CST9: variants seen among roughly 807,000 people sequenced by gnomAD.
CST9 encodes cystatin-9.
Under a neutral mutation model 7.7 loss-of-function variants are expected in CST9, and 11 were observed. That is an observed-to-expected ratio of 1.44 (90% CI 0.90 to 2.38). The LOEUF (loss-of-function observed/expected upper bound fraction) is 2.38, where lower values mean the gene tolerates loss of function less well. Ranked by LOEUF, CST9 falls within the 30% of genes most tolerant of loss-of-function variation. The pLI is 0.00. For missense variants in CST9, 214 were observed against 199.1 expected, an observed-to-expected ratio of 1.07 and a Z score of -0.45; for synonymous variants, 71 against 74.3, an observed-to-expected ratio of 0.96 and a Z score of 0.23.
rs1978692228 is a variant in CST9, at chr20:23,603,955, G to A, written c.256-221C>T. Among the ~76,000 whole-genome samples, 3 of 152,126 alleles carry A rather than the reference G, an allele frequency of 2.0e-5. No individual in the cohort carries two copies. The South Asian group carries it at 6.2e-4, about 32-fold the overall frequency. On this transcript the variant is annotated intron_variant, in intron 1 of 1. Coordinates refer to ENST00000376971, the MANE Select transcript of CST9 (RefSeq NM_001008693.3). ...AGGTGGGCATGGTGGGTCTGGGGAG[G>A]ATGCAGGCTGAGTCAGACCCCACTA...
rs182175319 is a variant in CST9, at chr20:23,605,895, C to A, written c.-31G>T. On this transcript the variant is annotated 5_prime_UTR_variant, in exon 1 of 2. Coordinates refer to ENST00000376971, the MANE Select transcript of CST9 (RefSeq NM_001008693.3). ...AGGCTCCAGCAGCCCTTGCCTTTGC[C>A]CTTCAGATCCCTGGCGTCCACTGGA... 1.9e-6 allele frequency: 3 copies of A among 1,610,792 alleles called. No individual in the cohort carries two copies. The Admixed American group carries it at 5.0e-5, about 27-fold the overall frequency.
chr20:23,603,587 T>C lies in CST9; in HGVS notation c.403A>G (p.Ser135Gly), dbSNP rs922135740. The C allele has an allele frequency of 1.2e-6, 2 of 1,614,078 alleles. No individual in the cohort carries two copies. Among genetic ancestry groups the C allele is most frequent in the Admixed American group, 1.7e-5 (1 of 60,010 alleles). ...RQGISFPQVH[S>G]CGCCMGCGVG... ...CCACACCCCATGCAGCATCCACAGCTGTGGACCTGAGGAAAGCTGATGCCC... is the reference window on the plus strand; with the variant it reads ...CCACACCCCATGCAGCATCCACAGCCGTGGACCTGAGGAAAGCTGATGCCC... The change falls in exon 2 of 2, where the codon AGC becomes GGC. Residue 135 changes from serine (S) to glycine (G), a missense_variant. Transcript: ENST00000376971.
Position 23,605,800 on chromosome 20 carries a change from T to C in CST9, c.65A>G (p.Gln22Arg), listed in dbSNP as rs1376686032. ...WALSLLLMGF[Q>R]LLVTYAWCSE... is the part of the protein sequence containing the mutation. ...ACACCAGGCATAAGTCACCAGGAGC[T>C]GGAAGCCCATGAGAAGCAGTGACAG... Residue 22 changes from glutamine (Q) to arginine (R), a missense_variant, in exon 1 of 2, where the codon CAG (glutamine) becomes CGG (arginine). Gln to Arg is a conservative substitution (Grantham distance 43, BLOSUM62 1). Transcript: ENST00000376971. The C allele has an allele frequency of 3.7e-6, 6 of 1,614,106 alleles. No individual in the cohort carries two copies. The Admixed American group carries it at 1.0e-4, about 27-fold the overall frequency.
chr20:23,605,772 A>T lies in CST9; in HGVS notation c.93T>A (p.Ser31=), dbSNP rs190244029. 1 of 1,614,254 alleles carries T rather than the reference A, an allele frequency of 6.2e-7. No individual in the cohort carries two copies. Among genetic ancestry groups the T allele is most frequent in the Non-Finnish European group, 8.5e-7 (1 of 1,180,040 alleles). Residue 31 remains serine, a synonymous_variant, in exon 1 of 2, where the codon TCT becomes TCA. Coordinates refer to ENST00000376971, the MANE Select transcript of CST9 (RefSeq NM_001008693.3). ...TATTATTACCACCCATTTCCTCTTCAGAACACCAGGCATAAGTCACCAGGA... is the reference window on the plus strand; with the variant it reads ...TATTATTACCACCCATTTCCTCTTCTGAACACCAGGCATAAGTCACCAGGA... ...FQLLVTYAWC[S]EEEMGGNNKI...
Position 23,605,609 on chromosome 20 carries a change from C to A in CST9, c.255+1G>T, listed in dbSNP as rs781102449. Reference sequence around the variant, plus strand: ...GGCCAGAAGAGGATGTGGTCACCAACCTTTCTGTCCATGCTATCCTCCCTC... The same window carrying A: ...GGCCAGAAGAGGATGTGGTCACCAAACTTTCTGTCCATGCTATCCTCCCTC... On this transcript the variant is annotated splice_donor_variant, in intron 1 of 1. Transcript: ENST00000376971. LOFTEE classifies it high-confidence loss of function. 4.3e-6 allele frequency: 7 copies of A among 1,613,604 alleles called. No individual in the cohort carries two copies. Among genetic ancestry groups the A allele is most frequent in the Non-Finnish European group, 5.9e-6 (7 of 1,179,694 alleles).
Position 23,605,503 on chromosome 20 carries a change from G to A in CST9, c.255+107C>T, listed in dbSNP as rs1357074452. Reference sequence around the variant, plus strand: ...TACCGTAATTGGTTGTGGACTACCTGACTATGGACTGCTGATGGTGAACCA... The same window carrying A: ...TACCGTAATTGGTTGTGGACTACCTAACTATGGACTGCTGATGGTGAACCA... On this transcript the variant is annotated intron_variant, in intron 1 of 1. Coordinates refer to ENST00000376971, the MANE Select transcript of CST9 (RefSeq NM_001008693.3). The A allele has an allele frequency of 5.4e-6, 7 of 1,294,690 alleles. No homozygotes were observed. The African/African-American group carries it at 1.0e-4, about 19-fold the overall frequency. The allele number at this position is 1,294,690 out of a possible 1,614,324, so 80.2% of individuals were successfully genotyped here.
In CST9 at chr20:23,605,543, G is replaced by A. The variant is rs927838931; in HGVS notation, c.255+67C>T. 12 of 1,553,838 alleles carry A rather than the reference G, an allele frequency of 7.7e-6. No individual in the cohort carries two copies. In the African/African-American group the frequency reaches 1.6e-4, roughly 21 times the overall value. On this transcript the variant is annotated intron_variant, in intron 1 of 1. Coordinates refer to ENST00000376971, the MANE Select transcript of CST9 (RefSeq NM_001008693.3). ...ATGGTGAACCAAGTCTCCTAGACTA[G>A]ACATCTTGGTCCCTCACTTAGGGGC...
In CST9 at chr20:23,605,873, C is replaced by T. The variant is rs1420296993; in HGVS notation, c.-9G>A. 2.5e-6 allele frequency: 4 copies of T among 1,613,610 alleles called. No individual in the cohort carries two copies. The South Asian group carries it at 4.4e-5, about 18-fold the overall frequency. On this transcript the variant is annotated 5_prime_UTR_variant, in exon 1 of 2. Coordinates refer to ENST00000376971, the MANE Select transcript of CST9 (RefSeq NM_001008693.3). Reference sequence around the variant, plus strand: ...CTCTGCGGACTCGACATGATGCAGGCTCCAGCAGCCCTTGCCTTTGCCCTT... The same window carrying T: ...CTCTGCGGACTCGACATGATGCAGGTTCCAGCAGCCCTTGCCTTTGCCCTT...
rs772352767 is a variant in CST9 at position 23,605,634 on chromosome 20, C to T, written c.231G>A (p.Trp77Ter). The T allele has an allele frequency of 9.9e-6, 16 of 1,614,042 alleles. No homozygotes were observed. In the African/African-American group the frequency reaches 1.5e-4, roughly 15 times the overall value. The change falls in exon 1 of 2, where the codon TGG becomes TGA. Residue 77 changes from tryptophan to a stop codon, truncating the protein, a stop_gained. Coordinates refer to ENST00000376971, the MANE Select transcript of CST9 (RefSeq NM_001008693.3). LOFTEE classifies it low-confidence loss of function (END_TRUNC). ...AYRLLRVLSSWREDSMDRKWR... is the reference protein window; with the variant it reads ...AYRLLRVLSS ...CCTTTCTGTCCATGCTATCCTCCCTCCATGAACTCAGGACGCGCAACAGCC... is the reference window on the plus strand; with the variant it reads ...CCTTTCTGTCCATGCTATCCTCCCTTCATGAACTCAGGACGCGCAACAGCC...
rs1001448287 is a variant in CST9 at position 23,602,789 on chromosome 20, A to G, written c.*721T>C. 1 of 985,682 alleles carries G rather than the reference A, an allele frequency of 1.0e-6. No individual in the cohort carries two copies. The highest frequency in any genetic ancestry group is 1.2e-6 in the Non-Finnish European group (1 of 830,158). 61.1% of individuals were successfully genotyped at this position (985,682 alleles called of 1,614,324 possible). A position where few individuals can be genotyped will look rare whatever the true frequency, so the allele number is the denominator to read the frequency against. On this transcript the variant is annotated 3_prime_UTR_variant, in exon 2 of 2. Coordinates refer to ENST00000376971, the MANE Select transcript of CST9 (RefSeq NM_001008693.3). The stretch of plus-strand genomic sequence containing the variant: ...GGGAATCTTGTGGCATCTGCCCTCA[A>G]CACAGGTTCCATCTCCACCTTGCCC...
rs1262721048 is a variant in CST9 at position 23,605,759 on chromosome 20, C to T, written c.106G>A (p.Gly36Ser). ...TYAWCSEEEM[G>S]GNNKIVQDPM... is the part of the protein sequence containing the mutation. ...TCCTGGACTATTTTATTATTACCAC[C>T]CATTTCCTCTTCAGAACACCAGGCA... is the stretch of plus-strand genomic sequence containing the variant. The change falls in exon 1 of 2, where the codon GGT (glycine) becomes AGT (serine). Residue 36 changes from glycine (G) to serine (S), a missense_variant. Coordinates refer to ENST00000376971, the MANE Select transcript of CST9 (RefSeq NM_001008693.3). 2 of 1,614,124 alleles carry T rather than the reference C, an allele frequency of 1.2e-6. No individual in the cohort carries two copies. The highest frequency in any genetic ancestry group is 1.7e-5 in the Admixed American group (1 of 60,006).
At chr20:23,604,425 T>A (rs188779519) in intron 1 of CST9, among the ~76,000 whole-genome samples, 9 of 152,190 alleles carry the variant, frequency 5.9e-5, no homozygotes, top group Non-Finnish European at 8.8e-5. Context: ...GTGGAAAGCT[T>A]TTAGGACTTA....
In CST9 at chr20:23,603,155, G is replaced by T; in HGVS notation, c.*355C>A. On this transcript the variant is annotated 3_prime_UTR_variant, in exon 2 of 2. Transcript: ENST00000376971. ...CTTTGCTTGGAGCTCGTCCCCTAGA[G>T]CAGGTGCTGCAGCTCAGCAGGGCCT... 1 of 1,086,674 alleles carries T rather than the reference G, an allele frequency of 9.2e-7. No individual in the cohort carries two copies. The allele number at this position is 1,086,674 out of a possible 1,614,324, so 67.3% of individuals were successfully genotyped here.
At chr20:23,605,489 G>A in intron 1 of CST9, 121 bp downstream of exon 1, 1 of 1,148,982 alleles carries the variant, frequency 8.7e-7, no homozygotes, top group Non-Finnish European at 1.2e-6. Flanking sequence ...ACCGTAATTG[G>A]TTGTGGACTA....
chr20:23,603,359 G>A lies in CST9; in HGVS notation c.*151C>T. 19 of 1,445,860 alleles carry A rather than the reference G, an allele frequency of 1.3e-5. No homozygotes were observed. In the South Asian group the frequency reaches 2.2e-4, roughly 17 times the overall value. 89.6% of individuals were successfully genotyped at this position (1,445,860 alleles called of 1,614,324 possible). On this transcript the variant is annotated 3_prime_UTR_variant, in exon 2 of 2. Coordinates refer to ENST00000376971, the MANE Select transcript of CST9 (RefSeq NM_001008693.3). The stretch of plus-strand genomic sequence containing the variant: ...GAGAGAAGGTTCTGAAGGCCATGTG[G>A]CCCAGGTGCAGGCAGCTGCAATGGT...
At position 23,602,670 on chromosome 20, in the gene CST9, T is replaced by C. The variant is rs1000383209; in HGVS notation, c.*840A>G. The C allele has an allele frequency of 5.1e-6, 5 of 985,030 alleles. No homozygotes were observed. Among genetic ancestry groups the C allele is most frequent in the Admixed American group, 1.2e-4 (2 of 16,262 alleles). 61.0% of individuals were successfully genotyped at this position (985,030 alleles called of 1,614,324 possible). A position where few individuals can be genotyped will look rare whatever the true frequency, so the allele number is the denominator to read the frequency against. The stretch of plus-strand genomic sequence containing the variant: ...AGGTCTTGTTCAGGAGTTCAAAATA[T>C]GTCTTCCAGGGCATGGTTTCAACAG... On this transcript the variant is annotated 3_prime_UTR_variant, in exon 2 of 2. Coordinates refer to ENST00000376971, the MANE Select transcript of CST9 (RefSeq NM_001008693.3).
rs1046486602 is a variant in CST9, at chr20:23,605,471, C to T, written c.255+139G>A. ...ATTTTAAGTTCAATGTTTTCCAAAA[C>T]TAAAACTACCGTAATTGGTTGTGGA... On this transcript the variant is annotated intron_variant, in intron 1 of 1. Transcript: ENST00000376971. 29 of 998,710 alleles carry T rather than the reference C, an allele frequency of 2.9e-5. No homozygotes were observed. The South Asian group carries it at 4.9e-4, about 17-fold the overall frequency. 61.9% of individuals were successfully genotyped at this position (998,710 alleles called of 1,614,324 possible). A position where few individuals can be genotyped will look rare whatever the true frequency, so the allele number is the denominator to read the frequency against.
Position 23,602,576 on chromosome 20 carries a change from T to A in CST9, c.*934A>T. ...TGTCAACTCCTGGGAACAGCTGGTG[T>A]CCACGGGGGAGGGGGCAGCATGTGG... On this transcript the variant is annotated 3_prime_UTR_variant, in exon 2 of 2. Coordinates refer to ENST00000376971, the MANE Select transcript of CST9 (RefSeq NM_001008693.3). The A allele has an allele frequency of 2.4e-6, 1 of 413,014 alleles. No homozygotes were observed. 25.6% of individuals were successfully genotyped at this position (413,014 alleles called of 1,614,324 possible).
Position 23,602,653 on chromosome 20 carries a change from T to G in CST9, c.*857A>C, listed in dbSNP as rs1023123793. On this transcript the variant is annotated 3_prime_UTR_variant, in exon 2 of 2. Coordinates refer to ENST00000376971, the MANE Select transcript of CST9 (RefSeq NM_001008693.3). ...GGAGAGCCCCTCTGAGCAGGTCTTG[T>G]TCAGGAGTTCAAAATATGTCTTCCA... The G allele has an allele frequency of 1.0e-6, 1 of 979,528 alleles. No individual in the cohort carries two copies. The highest frequency in any genetic ancestry group is 6.2e-5 in the Admixed American group (1 of 16,252). 60.7% of individuals were successfully genotyped at this position (979,528 alleles called of 1,614,324 possible).
Sources: allele counts gnomAD v4.1 joint callset (sites outside exome capture counted in the v4.1 genomes callset), GRCh38; gene constraint gnomAD v4.1.1; transcripts MANE v1.5; gene names NCBI Gene and HGNC (gene_info 2026-07-23, HGNC 2026-07-21).